Variants in COG5 observed in about 807,000 individuals in gnomAD.
The protein encoded by COG5 is component of oligomeric golgi complex 5.
Under a neutral mutation model 110.4 loss-of-function variants are expected in COG5, and 86 were observed. The observed-to-expected ratio is 0.78, with a 90% confidence interval of 0.65 to 0.93. The LOEUF is 0.93. COG5 is among the 40% of genes least tolerant of loss of function. The pLI is 0.00. For missense variants in COG5, 1,077 were observed against 987.0 expected (o/e 1.09, Z -1.22); for synonymous variants, 360 against 334.6 (o/e 1.08, Z -0.83).
At chr7:107,267,615 T>C (rs147213295) in intron 14 of COG5, among the ~76,000 whole-genome samples, 3 of 152,352 alleles carry the variant, frequency 2.0e-5, no homozygotes, top group Non-Finnish European at 2.9e-5. Context: ...CTTTGATTTA[T>C]AGTAATTTGA....
intron 21 of COG5, chr7:107,208,711 G>A: frequency 1.0e-6 from 1 of 985,440 alleles, no homozygotes; most frequent in Non-Finnish European, 1.2e-6. Context: ...CTGAGTAACA[G>A]ATAAGCAAGG....
intron 8 of COG5, among the ~76,000 whole-genome samples, chr7:107,365,042 A>C (rs1360442190): frequency 1.3e-5 from 2 of 152,222 alleles, no homozygotes; most frequent in Admixed American, 1.3e-4. Flanking sequence ...TGAATACTAA[A>C]AAAATAGGTC....
At chr7:107,473,469 C>T (rs960414896) in intron 6 of COG5, among the ~76,000 whole-genome samples, 3 of 151,952 alleles carry the variant, frequency 2.0e-5, no homozygotes, top group African/African-American at 7.2e-5. Context: ...CCCCAAATAT[C>T]ACCAAGCACA....
intron 12 of COG5, among the ~76,000 whole-genome samples, chr7:107,285,713 C>T (rs1321017797): frequency 2.0e-5 from 3 of 151,734 alleles, no homozygotes; most frequent in Admixed American, 6.6e-5. Flanking sequence ...AAAAAATTCC[C>T]GGCCGGACCT....
At chr7:107,529,888 T>C (rs886716678) in intron 5 of COG5, among the ~76,000 whole-genome samples, 1 of 152,186 alleles carries the variant, frequency 6.6e-6, no homozygotes, top group African/African-American at 2.4e-5. Flanking sequence ...CACCAGTAAC[T>C]TGGATATCTT....
intron 10 of COG5, among the ~76,000 whole-genome samples, chr7:107,348,801 T>A (rs991741605): frequency 2.0e-5 from 3 of 152,094 alleles, no homozygotes; most frequent in African/African-American, 7.2e-5. Context: ...AATTAAGTGA[T>A]CTCCTAGGAA....
At chr7:107,521,613 TA>T (rs1213486372) in intron 6 of COG5, among the ~76,000 whole-genome samples, 1 of 152,062 alleles carries the variant, frequency 6.6e-6, no homozygotes, top group African/African-American at 2.4e-5. Context: ...CAATGGCAAT[TA>T]CTAAAAAGTC....
At chr7:107,445,238 A>T (rs7786360) in intron 6 of COG5, among the ~76,000 whole-genome samples, 9,717 of 152,216 alleles carry the variant, frequency 0.064, 352 homozygotes, top group African/African-American at 0.097. Context: ...AATAAATATT[A>T]GTGGAGTTAC....
chr7:107,425,777 T>C (rs184416395), intron 6 of COG5, among the ~76,000 whole-genome samples: 3 of 152,182 alleles, frequency 2.0e-5, no homozygotes, highest in Admixed American at 2.0e-4. Context: ...AACATTCATA[T>C]AATGCTTACT....
At chr7:107,309,836 C>T (rs994357274) in intron 11 of COG5, among the ~76,000 whole-genome samples, 2 of 151,978 alleles carry the variant, frequency 1.3e-5, no homozygotes, top group African/African-American at 2.4e-5. Flanking sequence ...AAAGTATATT[C>T]GTATATTCAC....
intron 5 of COG5, among the ~76,000 whole-genome samples, chr7:107,530,212 C>A (rs886624286): frequency 6.6e-6 from 1 of 152,174 alleles, no homozygotes; most frequent in Non-Finnish European, 1.5e-5. Context: ...TCACCCTAAT[C>A]CACATCTTTA....
At chr7:107,481,201 T>C (rs1365302884) in intron 6 of COG5, among the ~76,000 whole-genome samples, 1 of 152,152 alleles carries the variant, frequency 6.6e-6, no homozygotes, top group East Asian at 1.9e-4. Flanking sequence ...CAATATGTCA[T>C]ATTTTTCTCA....
At chr7:107,489,958 G>C (rs1008840835) in intron 6 of COG5, among the ~76,000 whole-genome samples, 2 of 151,984 alleles carry the variant, frequency 1.3e-5, no homozygotes, top group African/African-American at 4.8e-5. Flanking sequence ...CACAAACAAT[G>C]TTCAGCATAA....
chr7:107,474,796 T>A lies in COG5; in HGVS notation c.538+52441A>T, dbSNP rs1219866109. ...TCTTAATATTCGAATAGGCACAAGATTTTCAACAGGGCAGAAGAAGAAAGC... is the reference window on the plus strand; with the variant it reads ...TCTTAATATTCGAATAGGCACAAGAATTTCAACAGGGCAGAAGAAGAAAGC... On this transcript the variant is annotated intron_variant, in intron 6 of 21. Coordinates refer to ENST00000297135, the MANE Select transcript of COG5 (RefSeq NM_006348.5). This position sits in a 1 kb window ranked among gnomAD's most constrained non-coding sequence, Gnocchi z 5.7. 1 of 1,612,570 alleles carries A rather than the reference T, an allele frequency of 6.2e-7. No homozygotes were observed. The highest frequency in any genetic ancestry group is 1.1e-5 in the South Asian group (1 of 90,924).
chr7:107,430,626 T>C (rs1379335848), intron 6 of COG5, among the ~76,000 whole-genome samples: 1 of 152,208 alleles, frequency 6.6e-6, no homozygotes, highest in African/African-American at 2.4e-5. Flanking sequence ...TTTAGGATCA[T>C]TTTACAATAT....
chr7:107,493,673 G>C (rs945436862), intron 6 of COG5, among the ~76,000 whole-genome samples: 10 of 152,136 alleles, frequency 6.6e-5, no homozygotes. Context: ...ATATCTTCTA[G>C]AAAGCACAAC....
chr7:107,288,907 GAT>G lies in COG5; in HGVS notation c.1314-5177_1314-5176del, dbSNP rs60313728. On this transcript the variant is annotated intron_variant, in intron 12 of 21. Coordinates refer to ENST00000297135, the MANE Select transcript of COG5 (RefSeq NM_006348.5). ...ATTTGCCCCTATGTTTTCTAACAGA[GAT>G]ATATATATATATATATATATATATA... Among the ~76,000 whole-genome samples the G allele has an allele frequency of 9.2e-3, 859 of 93,114 alleles. 1 individual carries two copies. The highest frequency in any genetic ancestry group is 0.011 in the Non-Finnish European group (526 of 46,038). 61.1% of individuals were successfully genotyped at this position (93,114 alleles called of 152,430 possible).
At chr7:107,472,286 T>C (rs1796680393) in intron 6 of COG5, 1 of 151,978 alleles carries the variant, frequency 6.6e-6, no homozygotes, top group South Asian at 2.1e-4. Flanking sequence ...AAAACACAGC[T>C]ACTTCACTGT....
intron 6 of COG5, among the ~76,000 whole-genome samples, chr7:107,426,461 A>G (rs1454048708): frequency 6.6e-6 from 1 of 152,138 alleles, no homozygotes; most frequent in Non-Finnish European, 1.5e-5. Context: ...CTTACTTCTC[A>G]CAATTCTGGA....
Sources: allele counts gnomAD v4.1 joint callset (sites outside exome capture counted in the v4.1 genomes callset), GRCh38; gene constraint gnomAD v4.1.1; non-coding constraint Gnocchi (gnomAD v3.1); transcripts MANE v1.5; gene names NCBI Gene and HGNC (gene_info 2026-07-23, HGNC 2026-07-21).